VPS53: variants seen among roughly 807,000 people sequenced by gnomAD.
The protein encoded by VPS53 is VPS53 subunit of GARP complex.
VPS53 carries 70 observed loss-of-function variants against 107.0 expected under a neutral mutation model. That is an observed-to-expected ratio of 0.65 (90% CI 0.54 to 0.80). The LOEUF is 0.80. Ranked by LOEUF, VPS53 falls within the 30% of genes least tolerant of loss-of-function variation. The pLI is 0.00. For missense variants in VPS53, 917 were observed against 1,049.4 expected, an observed-to-expected ratio of 0.87 and a Z score of 1.74; for synonymous variants, 409 against 393.3, an observed-to-expected ratio of 1.04 and a Z score of -0.47.
At chr17:523,561 GT>G (rs2151796156) in intron 19 of VPS53, 1 of 152,316 alleles carries the variant, frequency 6.6e-6, no homozygotes, top group East Asian at 1.9e-4. Flanking sequence ...GAACTTAAGG[GT>G]TATGGCAATT....
chr17:545,678 A>T (rs144569259), intron 17 of VPS53, among the ~76,000 whole-genome samples: 157 of 152,358 alleles, frequency 1.0e-3, no homozygotes, highest in African/African-American at 3.5e-3. Context: ...CATTCAGGGA[A>T]TACTACAGTT....
At chr17:602,531 C>A (rs9915733) in intron 11 of VPS53, among the ~76,000 whole-genome samples, 18 of 152,054 alleles carry the variant, frequency 1.2e-4, no homozygotes, top group Non-Finnish European at 2.6e-4. Flanking sequence ...TCTCAGCTTC[C>A]AAATATGACC....
intron 13 of VPS53, among the ~76,000 whole-genome samples, chr17:563,696 T>C (rs1913234024): frequency 6.6e-6 from 1 of 152,184 alleles, no homozygotes; most frequent in African/African-American, 2.4e-5. Flanking sequence ...TCCAGAGTAA[T>C]ACAGCAAGAA....
chr17:633,731 C>T (rs1050265159), intron 7 of VPS53, among the ~76,000 whole-genome samples: 13 of 152,212 alleles, frequency 8.5e-5, no homozygotes, highest in Non-Finnish European at 1.5e-4. Context: ...TAGCCGCCAC[C>T]TCCAGATTGG....
chr17:660,635 TG>T (rs1210270234), intron 5 of VPS53, among the ~76,000 whole-genome samples: 1 of 112,018 alleles, frequency 8.9e-6, no homozygotes, highest in African/African-American at 4.4e-5. Flanking sequence ...GGTGCACCCT[TG>T]GGGAAGGACG....
intron 13 of VPS53, among the ~76,000 whole-genome samples, chr17:563,373 G>A (rs1190648749): frequency 7.1e-6 from 1 of 140,864 alleles, no homozygotes; most frequent in African/African-American, 2.7e-5. Context: ...TTGGCCCACT[G>A]CAACCTCCAT....
At chr17:678,349 G>T (rs1972246804) in intron 4 of VPS53, among the ~76,000 whole-genome samples, 1 of 151,990 alleles carries the variant, frequency 6.6e-6, no homozygotes, top group Non-Finnish European at 1.5e-5. Flanking sequence ...TTGAACCCGG[G>T]AGGTGGAGAC....
chr17:571,749 T>G (rs1334757946), intron 13 of VPS53, among the ~76,000 whole-genome samples: 1 of 152,254 alleles, frequency 6.6e-6, no homozygotes, highest in Non-Finnish European at 1.5e-5. Flanking sequence ...TTCGCTGTGT[T>G]GGCCGGGCTG....
intron 12 of VPS53, among the ~76,000 whole-genome samples, chr17:590,960 T>C (rs1339468228): frequency 3.3e-5 from 5 of 151,970 alleles, no homozygotes; most frequent in Admixed American, 6.6e-5. Flanking sequence ...ATGGTACCAG[T>C]TCCTCCTTGT....
At chr17:686,911 C>T (rs191607046) in intron 4 of VPS53, among the ~76,000 whole-genome samples, 2 of 152,254 alleles carry the variant, frequency 1.3e-5, no homozygotes, top group East Asian at 3.9e-4. Context: ...CTTTAGGAGG[C>T]TGAGGCAGAA....
At chr17:565,901 C>T (rs1913456482) in intron 13 of VPS53, among the ~76,000 whole-genome samples, 2 of 152,154 alleles carry the variant, frequency 1.3e-5, no homozygotes. Context: ...TGCGAGGATG[C>T]CATATATTCA....
intron 7 of VPS53, among the ~76,000 whole-genome samples, chr17:640,957 G>T (rs947685039): frequency 3.9e-5 from 6 of 151,980 alleles, no homozygotes; most frequent in African/African-American, 1.2e-4. Flanking sequence ...TGGGTTGAAG[G>T]GATTCTCCTG....
chr17:530,588 G>GT (rs1171929128), intron 19 of VPS53, among the ~76,000 whole-genome samples: 1 of 151,978 alleles, frequency 6.6e-6, no homozygotes, highest in African/African-American at 2.4e-5. Context: ...TAAAAATATT[G>GT]TATTTTTTGC....
chr17:672,179 CT>C (rs1567728028), intron 4 of VPS53, among the ~76,000 whole-genome samples: 2 of 111,212 alleles, frequency 1.8e-5, no homozygotes, highest in African/African-American at 7.1e-5. Flanking sequence ...ATCTCAATCT[CT>C]CTCTCTCTCT....
chr17:600,571 T>G (rs1968283276), intron 12 of VPS53, among the ~76,000 whole-genome samples: 2 of 152,256 alleles, frequency 1.3e-5, no homozygotes, highest in Admixed American at 1.3e-4. Flanking sequence ...GGATGGAGCC[T>G]CCTCAAGATG....
intron 11 of VPS53, among the ~76,000 whole-genome samples, chr17:611,465 T>G (rs1597379271): frequency 6.6e-6 from 1 of 152,242 alleles, no homozygotes; most frequent in Non-Finnish European, 1.5e-5. Context: ...ATGGGGAAAC[T>G]GGACCCTCCT....
chr17:626,251 G>C (rs1193012602), intron 10 of VPS53, among the ~76,000 whole-genome samples: 1 of 151,888 alleles, frequency 6.6e-6, no homozygotes, highest in Non-Finnish European at 1.5e-5. Flanking sequence ...CTTTGTCATA[G>C]ATATACTGAT....
intron 4 of VPS53, among the ~76,000 whole-genome samples, chr17:678,670 C>T (rs1229778098): frequency 1.3e-5 from 2 of 151,220 alleles, no homozygotes; most frequent in Non-Finnish European, 1.5e-5. Flanking sequence ...GACAGAGTCT[C>T]GCTCTGTCGC....
chr17:672,971 G>C (rs1242562642), intron 4 of VPS53, among the ~76,000 whole-genome samples: 1 of 151,948 alleles, frequency 6.6e-6, no homozygotes, highest in East Asian at 1.9e-4. Flanking sequence ...AATTAACCGG[G>C]CGTGGTGGCG....
Sources: allele counts gnomAD v4.1 joint callset (sites outside exome capture counted in the v4.1 genomes callset), GRCh38; gene constraint gnomAD v4.1.1; transcripts MANE v1.5; gene names NCBI Gene and HGNC (gene_info 2026-07-23, HGNC 2026-07-21).